The following PPP2R3C variants were observed in gnomAD, a reference collection of about 807,000 sequenced individuals.
The protein encoded by PPP2R3C is protein phosphatase 2 regulatory subunit B''gamma.
In PPP2R3C, 47 loss-of-function variants were observed where a neutral mutation model predicts 63.7. That is an observed-to-expected ratio of 0.74 (90% CI 0.58 to 0.94). PPP2R3C has a LOEUF of 0.94. PPP2R3C is among the 40% of genes least tolerant of loss of function. The pLI is 0.00. For missense variants in PPP2R3C, 421 were observed against 518.4 expected, an observed-to-expected ratio of 0.81 and a Z score of 1.82; for synonymous variants, 180 against 177.4, an observed-to-expected ratio of 1.01 and a Z score of -0.12.
chr14:35,116,728 C>T lies in PPP2R3C; in HGVS notation c.68G>A (p.Ser23Asn). The T allele has an allele frequency of 1.3e-6, 2 of 1,561,410 alleles. No homozygotes were observed. Among genetic ancestry groups the T allele is most frequent in the Non-Finnish European group, 1.7e-6 (2 of 1,149,052 alleles). The change falls in exon 2 of 13, where the codon AGT becomes AAT. Residue 23 changes from serine to asparagine, a missense_variant. By Grantham distance (46) the Ser-to-Asn change is conservative (BLOSUM62 1). Around this residue, in one of 3 missense-constraint regions of PPP2R3C, gnomAD observed 143 missense variants for 151.2 expected, o/e 0.95. Transcript: ENST00000261475. ...TTCTTCATCTTTTAATTCTTGTTCACTTTTTTTTTCTGGTAACAAAACAGA... is the reference window on the plus strand; with the variant it reads ...TTCTTCATCTTTTAATTCTTGTTCATTTTTTTTTTCTGGTAACAAAACAGA... ...TPNTCPNKKK[S>N]EQELKDEEMD...
upstream of PPP2R3C, chr14:35,122,068 C>G (rs375653906): frequency 1.7e-5 from 20 of 1,159,174 alleles, no homozygotes; most frequent in African/African-American, 2.6e-4. Context: ...GAAGGCCGTC[C>G]AACCACCATC....
At chr14:35,119,158 C>T (rs1179980130) in intron 1 of PPP2R3C, among the ~76,000 whole-genome samples, 5 of 152,030 alleles carry the variant, frequency 3.3e-5, no homozygotes, top group Non-Finnish European at 7.4e-5. Context: ...CCGCTTCAGC[C>T]TCCCAAGTAG....
intron 7 of PPP2R3C, among the ~76,000 whole-genome samples, chr14:35,098,471 C>T (rs76648045): frequency 0.18 from 26,957 of 150,526 alleles, 2,575 homozygotes; most frequent in East Asian, 0.37. Context: ...CTCAGCCTCT[C>T]GAGTAGCTGG....
In PPP2R3C at chr14:35,105,675, G is replaced by GA. The variant is rs113361339; in HGVS notation, c.573+1628dup. Among the ~76,000 whole-genome samples the GA allele has an allele frequency of 1.7e-4, 26 of 150,498 alleles. 1 individual carries two copies. Among genetic ancestry groups the GA allele is most frequent in the Middle Eastern group, 3.4e-3 (1 of 294 alleles). On this transcript the variant is annotated intron_variant, in intron 6 of 12. Coordinates refer to ENST00000261475, the MANE Select transcript of PPP2R3C (RefSeq NM_017917.4). The stretch of plus-strand genomic sequence containing the variant: ...GGAATCAACACCACCGAGGTCTATG[G>GA]AAAAAAAAAGAAAAACCTGTTCCCT...
At chr14:35,121,838 T>C in intron 1 of PPP2R3C, 64 bp downstream of exon 1, 1 of 1,489,188 alleles carries the variant, frequency 6.7e-7, no homozygotes, top group South Asian at 1.1e-5. Context: ...CCTCCCCACC[T>C]CCCCCCTACC....
chr14:35,090,559 TATTTA>T lies in PPP2R3C; in HGVS notation c.1113+506_1113+510del, dbSNP rs371736797. Among the ~76,000 whole-genome samples the T allele has an allele frequency of 2.2e-3, 338 of 152,250 alleles. 1 individual carries two copies. The highest frequency in any genetic ancestry group is 4.9e-3 in the African/African-American group (204 of 41,536). Reference sequence around the variant, plus strand: ...CGAGTTAGGTAAAATGGTTACTAAATATTTAATTTAAACCAAATGATATATCTTTA... The same window carrying T: ...CGAGTTAGGTAAAATGGTTACTAAATATTTAAACCAAATGATATATCTTTA... On this transcript the variant is annotated intron_variant, in intron 11 of 12. Transcript: ENST00000261475.
At chr14:35,096,360 G>C (rs1355886734) in intron 9 of PPP2R3C, among the ~76,000 whole-genome samples, 198 bp downstream of exon 9, 1 of 152,078 alleles carries the variant, frequency 6.6e-6, no homozygotes, top group Non-Finnish European at 1.5e-5. Context: ...TCTTCAAAAA[G>C]AAAAGGTTGG....
At chr14:35,092,676 G>C (rs2045861846) in intron 10 of PPP2R3C, among the ~76,000 whole-genome samples, 1 of 151,746 alleles carries the variant, frequency 6.6e-6, no homozygotes, top group Admixed American at 6.6e-5. Context: ...AAGTTGGTCA[G>C]GCTGGTCTCA....
intron 1 of PPP2R3C, among the ~76,000 whole-genome samples, chr14:35,119,943 C>T (rs2046816774): frequency 6.7e-6 from 1 of 149,698 alleles, no homozygotes; most frequent in South Asian, 2.1e-4. Flanking sequence ...CCTCCGCCTC[C>T]CGGGTTCACG....
Position 35,085,678 on chromosome 14 carries a change from A to C in PPP2R3C, c.1274T>G (p.Ile425Ser). Reference sequence around the variant, plus strand: ...GTAAGTCCAGAAGCCATTCAAATCGATTAGAATGGTGGTTACTGTGTCTCC... The same window carrying C: ...GTAAGTCCAGAAGCCATTCAAATCGCTTAGAATGGTGGTTACTGTGTCTCC... ...NQGDTVTTILIDLNGFWTYEN... is the reference protein window; with the variant it reads ...NQGDTVTTILSDLNGFWTYEN... The change falls in exon 13 of 13, where the codon ATC becomes AGC. Residue 425 changes from isoleucine to serine, a missense_variant. Ile to Ser is a moderately radical substitution (Grantham distance 142). Transcript: ENST00000261475. 6.2e-7 allele frequency: 1 copy of C among 1,613,498 alleles called. No homozygotes were observed. The highest frequency in any genetic ancestry group is 8.5e-7 in the Non-Finnish European group (1 of 1,179,478).
chr14:35,121,743 A>G lies in PPP2R3C; in HGVS notation c.58+159T>C, dbSNP rs970037595. ...CCCCAGGAAAGTTTGGGTCAAACCT[A>G]TCGGGATCCTTAAACCACATTCCAC... is the stretch of plus-strand genomic sequence containing the variant. On this transcript the variant is annotated intron_variant, in intron 1 of 12. Coordinates refer to ENST00000261475, the MANE Select transcript of PPP2R3C (RefSeq NM_017917.4). 5.5e-5 allele frequency: 43 copies of G among 784,616 alleles called. No individual in the cohort carries two copies. In the African/African-American group the frequency reaches 6.6e-4, roughly 12 times the overall value. The allele number at this position is 784,616 out of a possible 1,614,324, so 48.6% of individuals were successfully genotyped here.
At chr14:35,088,075 A>G in intron 11 of PPP2R3C, 65 bp from the exon 12 acceptor site, 1 of 1,152,184 alleles carries the variant, frequency 8.7e-7, no homozygotes, top group Non-Finnish European at 1.3e-6. Context: ...CTTTTGCCCT[A>G]CAACCCCTTT....
chr14:35,089,283 T>C (rs2045710683), intron 11 of PPP2R3C, among the ~76,000 whole-genome samples: 1 of 152,076 alleles, frequency 6.6e-6, no homozygotes, highest in Non-Finnish European at 1.5e-5. Context: ...TTAATTTTTT[T>C]GTAGAGATGG....
At chr14:35,089,527 A>AT (rs1422218717) in intron 11 of PPP2R3C, among the ~76,000 whole-genome samples, 3 of 151,624 alleles carry the variant, frequency 2.0e-5, no homozygotes, top group Non-Finnish European at 2.9e-5. Flanking sequence ...AATTTTTTAA[A>AT]TTTTTTGTAG....
chr14:35,099,225 T>C, intron 7 of PPP2R3C, 27 bp downstream of exon 7: 3 of 1,525,804 alleles, frequency 2.0e-6, no homozygotes, highest in Non-Finnish European at 1.7e-6. Flanking sequence ...CCTCATAATA[T>C]CTAAGTTAGA....
chr14:35,112,720 A>G (rs2046601792), intron 2 of PPP2R3C: 4 of 152,192 alleles, frequency 2.6e-5, no homozygotes, highest in African/African-American at 9.7e-5. Context: ...CATTAACATC[A>G]ACACAGACTT....
chr14:35,097,040 C>T (rs190389688), intron 7 of PPP2R3C, among the ~76,000 whole-genome samples: 57 of 152,098 alleles, frequency 3.7e-4, no homozygotes, highest in African/African-American at 1.3e-3. Flanking sequence ...ATGGTGAAAC[C>T]CCATCTCTAC....
intron 5 of PPP2R3C, 176 bp downstream of exon 5, chr14:35,107,963 A>C (rs1390392957): frequency 1.2e-6 from 1 of 810,034 alleles, no homozygotes; most frequent in Admixed American, 3.9e-5. Context: ...GGGTTTAAAA[A>C]ATTTTTGTTT....
chr14:35,090,138 A>G (rs1043138819), intron 11 of PPP2R3C, among the ~76,000 whole-genome samples: 3 of 152,102 alleles, frequency 2.0e-5, no homozygotes, highest in African/African-American at 7.2e-5. Context: ...CAAATATGTG[A>G]TAAATTCTAT....
Sources: gnomAD v4.1 joint callset for allele counts (sites outside exome capture counted in the v4.1 genomes callset) on GRCh38, gnomAD v4.1.1 for gene constraint, gnomAD v4.1.1 regional missense constraint, MANE v1.5 for transcripts, NCBI Gene and HGNC (gene_info 2026-07-23, HGNC 2026-07-21) for gene names.